The following ADAMTS2 variants were observed in gnomAD, a reference collection of about 807,000 sequenced individuals.
The protein encoded by ADAMTS2 is ADAM metallopeptidase with thrombospondin type 1 motif 2.
Under a neutral mutation model 123.0 loss-of-function variants are expected in ADAMTS2, and 50 were observed. The observed-to-expected ratio is 0.41, with a 90% confidence interval of 0.32 to 0.51. The LOEUF is 0.51. Ranked by LOEUF, ADAMTS2 falls within the 20% of genes least tolerant of loss-of-function variation. The pLI, the probability that ADAMTS2 is intolerant of heterozygous loss-of-function variation, is 0.35. For missense variants in ADAMTS2, 1,494 were observed against 1,705.2 expected (o/e 0.88, Z 2.18); for synonymous variants, 678 against 695.4 (o/e 0.98, Z 0.39).
chr5:179,201,473 A>C (rs1764562073), intron 4 of ADAMTS2, among the ~76,000 whole-genome samples: 1 of 152,102 alleles, frequency 6.6e-6, no homozygotes, highest in Non-Finnish European at 1.5e-5. Context: ...ACCTACAGGA[A>C]TTTATGCTAA....
At chr5:179,208,686 C>CTGACCTGCA (rs1378583012) in intron 3 of ADAMTS2, among the ~76,000 whole-genome samples, 1 of 152,204 alleles carries the variant, frequency 6.6e-6, no homozygotes, top group African/African-American at 2.4e-5. Context: ...GCTGGCCAGG[C>CTGACCTGCA]TGACCTGCAG....
chr5:179,133,036 G>A, intron 13 of ADAMTS2, 136 bp from the exon 14 acceptor site: 1 of 1,193,406 alleles, frequency 8.4e-7, no homozygotes, highest in East Asian at 2.6e-5. Flanking sequence ...TGGGATTACA[G>A]GCGTGAACCA....
At chr5:179,152,376 G>T (rs560993922) in intron 9 of ADAMTS2, 121 bp from the exon 10 acceptor site, 9 of 911,506 alleles carry the variant, frequency 9.9e-6, no homozygotes, top group Non-Finnish European at 1.6e-5. Context: ...TGATGGGCCC[G>T]TGAGGCTGGT....
chr5:179,269,996 C>G (rs554917449), intron 3 of ADAMTS2, among the ~76,000 whole-genome samples: 4 of 152,280 alleles, frequency 2.6e-5, no homozygotes, highest in African/African-American at 9.6e-5. Context: ...AAAGGACCCT[C>G]CCCGCTCCCT....
chr5:179,330,082 C>T (rs970042854), intron 2 of ADAMTS2, among the ~76,000 whole-genome samples: 8 of 148,602 alleles, frequency 5.4e-5, no homozygotes, highest in Admixed American at 6.7e-5. Context: ...GCCGAGATTG[C>T]GCCACTGCAG....
At chr5:179,253,709 A>G (rs1765981287) in intron 3 of ADAMTS2, among the ~76,000 whole-genome samples, 1 of 150,850 alleles carries the variant, frequency 6.6e-6, no homozygotes, top group Non-Finnish European at 1.5e-5. Flanking sequence ...TGGCTGCCCC[A>G]GCCAGGCTGC....
chr5:179,259,185 C>G (rs1766147878), intron 3 of ADAMTS2, among the ~76,000 whole-genome samples: 1 of 152,180 alleles, frequency 6.6e-6, no homozygotes, highest in South Asian at 2.1e-4. Context: ...CCAAACAAGC[C>G]CCGTCCTCAC....
rs1764146710 is a variant in ADAMTS2 at position 179,185,425 on chromosome 5, G to A, written c.892-4270C>T. 6.6e-6 allele frequency among the ~76,000 whole-genome samples: 1 copy of A among 152,110 alleles called. No individual in the cohort carries two copies. Among genetic ancestry groups the A allele is most frequent in the African/African-American group, 2.4e-5 (1 of 41,432 alleles). ...ATTCCGGCAGCTCCCACAGGGCGGA[G>A]GGAGGAGATGCGGGGCTGGCCCTCT... On this transcript the variant is annotated intron_variant, in intron 4 of 21. Transcript: ENST00000251582. The surrounding 1 kb of genome is among the most constrained non-coding windows in gnomAD (Gnocchi z 5.9).
intron 2 of ADAMTS2, among the ~76,000 whole-genome samples, chr5:179,330,988 A>G (rs528466704): frequency 1.8e-4 from 28 of 152,210 alleles, no homozygotes; most frequent in African/African-American, 6.7e-4. Flanking sequence ...CTGAGGAGGT[A>G]CAGATTTCAT....
chr5:179,293,805 T>C (rs1030591249), intron 2 of ADAMTS2, among the ~76,000 whole-genome samples: 1 of 151,980 alleles, frequency 6.6e-6, no homozygotes, highest in African/African-American at 2.4e-5. Flanking sequence ...TGTATTTTTT[T>C]AGTAGAATGG....
intron 2 of ADAMTS2, among the ~76,000 whole-genome samples, chr5:179,339,337 G>A (rs115681974): frequency 2.2e-4 from 33 of 152,318 alleles, no homozygotes; most frequent in Non-Finnish European, 4.6e-4. Flanking sequence ...AGCCGCTGGT[G>A]GGCCGGGGGT....
At chr5:179,322,830 T>A (rs933995535) in intron 2 of ADAMTS2, among the ~76,000 whole-genome samples, 1 of 152,176 alleles carries the variant, frequency 6.6e-6, no homozygotes, top group Non-Finnish European at 1.5e-5. Flanking sequence ...GGGGAGTTAA[T>A]CTCTCACACA....
intron 2 of ADAMTS2, among the ~76,000 whole-genome samples, chr5:179,311,886 G>A (rs773030428): frequency 8.5e-5 from 13 of 152,178 alleles, no homozygotes; most frequent in African/African-American, 1.4e-4. Context: ...CCTGAATAAA[G>A]TCCGCCTTAC....
At chr5:179,182,912 G>A (rs889514411) in intron 4 of ADAMTS2, among the ~76,000 whole-genome samples, 3 of 152,136 alleles carry the variant, frequency 2.0e-5, no homozygotes, top group Non-Finnish European at 2.9e-5. Flanking sequence ...ATGGAGCTCC[G>A]AGGAGGGCAC....
intron 2 of ADAMTS2, among the ~76,000 whole-genome samples, chr5:179,300,982 C>A (rs1756499162): frequency 6.6e-6 from 1 of 152,098 alleles, no homozygotes; most frequent in Non-Finnish European, 1.5e-5. Context: ...TGAGCACAAG[C>A]CCCAAACACA....
At chr5:179,335,106 A>G (rs1156430751) in intron 2 of ADAMTS2, among the ~76,000 whole-genome samples, 1 of 152,214 alleles carries the variant, frequency 6.6e-6, no homozygotes, top group African/African-American at 2.4e-5. Context: ...CCAGCCAAGA[A>G]AATTTTGTAA....
chr5:179,340,259 G>A (rs1188501659), intron 2 of ADAMTS2, among the ~76,000 whole-genome samples: 2 of 152,240 alleles, frequency 1.3e-5, no homozygotes, highest in East Asian at 3.9e-4. Flanking sequence ...TGGCAGGAGA[G>A]GATCCCCGTG....
At chr5:179,167,967 G>A (rs972777897) in intron 5 of ADAMTS2, among the ~76,000 whole-genome samples, 1 of 152,280 alleles carries the variant, frequency 6.6e-6, no homozygotes, top group African/African-American at 2.4e-5. Flanking sequence ...AAGGGGATGC[G>A]GCTTCAGCAA....
chr5:179,187,300 A>G (rs1764194632), intron 4 of ADAMTS2, among the ~76,000 whole-genome samples: 1 of 152,196 alleles, frequency 6.6e-6, no homozygotes, highest in South Asian at 2.1e-4. Context: ...CCAGGCCAGG[A>G]GGGTCTGGCC....
Sources: gnomAD v4.1 joint callset for allele counts (sites outside exome capture counted in the v4.1 genomes callset) on GRCh38, gnomAD v4.1.1 for gene constraint, Gnocchi (gnomAD v3.1) non-coding constraint, MANE v1.5 for transcripts, NCBI Gene and HGNC (gene_info 2026-07-23, HGNC 2026-07-21) for gene names.